JAG2: variants seen among roughly 807,000 people sequenced by gnomAD.
JAG2 encodes jagged canonical Notch ligand 2, also known as protein jagged-2.
In JAG2, 46 loss-of-function variants were observed where a neutral mutation model predicts 141.7. The observed-to-expected ratio is 0.32, with a 90% confidence interval of 0.26 to 0.42. The LOEUF (loss-of-function observed/expected upper bound fraction) is 0.42, where lower values mean the gene tolerates loss of function less well. Ranked by LOEUF, JAG2 falls within the 10% of genes least tolerant of loss-of-function variation. The pLI, the probability that JAG2 is intolerant of heterozygous loss-of-function variation, is 1.00. For missense variants in JAG2, 1,500 were observed against 1,817.5 expected, an observed-to-expected ratio of 0.83 and a Z score of 3.18; for synonymous variants, 862 against 763.5, an observed-to-expected ratio of 1.13 and a Z score of -2.13.
At chr14:105,155,049 G>A (rs1888539883) in intron 5 of JAG2, among the ~76,000 whole-genome samples, 1 of 112,422 alleles carries the variant, frequency 8.9e-6, no homozygotes, top group Admixed American at 1.1e-4. Context: ...ACAGCCTCCC[G>A]TCTGGTGCTT....
At chr14:105,165,727 C>T (rs747421458) in intron 2 of JAG2, among the ~76,000 whole-genome samples, 7 of 152,210 alleles carry the variant, frequency 4.6e-5, no homozygotes, top group African/African-American at 1.7e-4. Context: ...CTCCCCCACT[C>T]CTCTTCCACA....
intron 25 of JAG2, 125 bp downstream of exon 25, chr14:105,143,357 G>T: frequency 7.6e-7 from 1 of 1,317,232 alleles, no homozygotes; most frequent in Non-Finnish European, 1.1e-6. Flanking sequence ...GGCGGCTGGG[G>T]CAGCAGGTGC....
intron 23 of JAG2, 143 bp downstream of exon 23, chr14:105,145,588 C>T: frequency 9.0e-7 from 1 of 1,116,242 alleles, no homozygotes; most frequent in East Asian, 2.6e-5. Context: ...TCATCTGACC[C>T]CACAGGGCCA....
rs75362776 is a variant in JAG2 at position 105,148,360 on chromosome 14, G to A, written c.2100C>T (p.Cys700=). ...AGGTCTTGCCCTTCCAGCCGTCGTC[G>A]CACGCACAGTAGAAGTCATTGACCA... is the stretch of plus-strand genomic sequence containing the variant. ...YDLVNDFYCA[C]DDGWKGKTCH... Residue 700 remains cysteine, a synonymous_variant, in exon 16 of 26, where the codon TGC becomes TGT. Transcript: ENST00000331782. 4,558 of 1,611,662 alleles carry A rather than the reference G, an allele frequency of 2.8e-3. 122 individuals are homozygous for A. The African/African-American group carries it at 0.053, about 19-fold the overall frequency.
At chr14:105,161,968 A>T (rs932726447) in intron 2 of JAG2, among the ~76,000 whole-genome samples, 1 of 152,060 alleles carries the variant, frequency 6.6e-6, no homozygotes, top group African/African-American at 2.4e-5. Flanking sequence ...CCCCTAGAAC[A>T]CAGGAGGGAC....
intron 12 of JAG2, among the ~76,000 whole-genome samples, chr14:105,149,594 T>C (rs1246017115): frequency 6.6e-6 from 1 of 151,718 alleles, no homozygotes; most frequent in Non-Finnish European, 1.5e-5. Flanking sequence ...CCCCTGCTGC[T>C]GGCAGGAAGG....
At position 105,155,413 on chromosome 14, in the gene JAG2, G is replaced by A. The variant is rs1888549533; in HGVS notation, c.788+149C>T. 2.2e-5 allele frequency: 19 copies of A among 857,690 alleles called. No homozygotes were observed. The South Asian group carries it at 2.3e-4, about 10-fold the overall frequency. 53.1% of individuals were successfully genotyped at this position (857,690 alleles called of 1,614,324 possible). A position where few individuals can be genotyped will look rare whatever the true frequency, so the allele number is the denominator to read the frequency against. The stretch of plus-strand genomic sequence containing the variant: ...TCAGACACGCACCTACTGCACTAAG[G>A]AGCCTCCCGAGCTCAGGGCCCGGCT... On this transcript the variant is annotated intron_variant, in intron 5 of 25. Coordinates refer to ENST00000331782, the MANE Select transcript of JAG2 (RefSeq NM_002226.5).
chr14:105,168,090 G>C lies in JAG2; in HGVS notation c.84C>G (p.Gly28=). Residue 28 remains glycine (G), a synonymous_variant, in exon 2 of 26, where the codon GGC becomes GGG. Transcript: ENST00000331782. Reference sequence around the variant, plus strand: ...GCGCGCTCAGCTGCAGCTCGAAATAGCCCATGGGCCGCGCCGCCTAAAAAT... The same window carrying C: ...GCGCGCTCAGCTGCAGCTCGAAATACCCCATGGGCCGCGCCGCCTAAAAAT... ...ALWVQAARPM[G]YFELQLSALR... 6.4e-7 allele frequency: 1 copy of C among 1,563,130 alleles called. No homozygotes were observed. Among genetic ancestry groups the C allele is most frequent in the Non-Finnish European group, 8.6e-7 (1 of 1,163,846 alleles).
chr14:105,168,128 G>A, intron 1 of JAG2, 21 bp from the exon 2 acceptor site: 1 of 1,497,856 alleles, frequency 6.7e-7, no homozygotes, highest in Non-Finnish European at 8.8e-7. Context: ...GGCAGCGGGA[G>A]AGCGGAGGGA....
rs1056861065 is a variant in JAG2 at position 105,154,881 on chromosome 14, A to G, written c.788+681T>C. Reference sequence around the variant, plus strand: ...GCAGCTTGGGGTTCTCCCTGACTCCACACCCTTCCTGCTTGATCAAATCCA... The same window carrying G: ...GCAGCTTGGGGTTCTCCCTGACTCCGCACCCTTCCTGCTTGATCAAATCCA... On this transcript the variant is annotated intron_variant, in intron 5 of 25. Coordinates refer to ENST00000331782, the MANE Select transcript of JAG2 (RefSeq NM_002226.5). The surrounding 1 kb of genome is among the most constrained non-coding windows in gnomAD (Gnocchi z 4.4). 5.3e-5 allele frequency among the ~76,000 whole-genome samples: 8 copies of G among 151,190 alleles called. No individual in the cohort carries two copies. Among genetic ancestry groups the G allele is most frequent in the African/African-American group, 2.0e-4 (8 of 41,016 alleles).
intron 8 of JAG2, 112 bp from the exon 9 acceptor site, chr14:105,151,508 GC>G: frequency 7.5e-7 from 1 of 1,336,760 alleles, no homozygotes; most frequent in Non-Finnish European, 1.1e-6. Flanking sequence ...TCCTCGCCAA[GC>G]CAGCCGCAGC....
In JAG2 at chr14:105,148,457, G is replaced by A. The variant is rs369097419; in HGVS notation, c.2021-18C>T. The A allele has an allele frequency of 3.0e-5, 47 of 1,591,936 alleles. No individual in the cohort carries two copies. The highest frequency in any genetic ancestry group is 8.8e-5 in the South Asian group (8 of 90,514). ...GTTGGGATCTGGGGGCGAGGACGCC[G>A]GTCAGCGGGCGGGGGGTCACCGGCG... On this transcript the variant is annotated intron_variant, in intron 15 of 25. Coordinates refer to ENST00000331782, the MANE Select transcript of JAG2 (RefSeq NM_002226.5).
chr14:105,166,340 G>A (rs587753781), intron 2 of JAG2, among the ~76,000 whole-genome samples: 1 of 152,382 alleles, frequency 6.6e-6, no homozygotes, highest in African/African-American at 2.4e-5. Flanking sequence ...TAGCGATGTG[G>A]GGCCACGCTG....
chr14:105,168,134 A>C (rs756739455), intron 1 of JAG2, 27 bp from the exon 2 acceptor site: 42 of 1,482,948 alleles, frequency 2.8e-5, no homozygotes, highest in Non-Finnish European at 3.3e-5. Flanking sequence ...GGGAGAGCGG[A>C]GGGAGGCGCG....
At chr14:105,143,844 C>T (rs183936001) in intron 24 of JAG2, among the ~76,000 whole-genome samples, 13 of 149,902 alleles carry the variant, frequency 8.7e-5, no homozygotes, top group African/African-American at 2.5e-4. Context: ...TGTCCCCATC[C>T]GGGCACACAG....
rs753945130 is a variant in JAG2, at chr14:105,143,044, C to T, written c.3368G>A (p.Ser1123Asn). 1.9e-6 allele frequency: 3 copies of T among 1,604,060 alleles called. No individual in the cohort carries two copies. The highest frequency in any genetic ancestry group is 1.7e-5 in the Admixed American group (1 of 59,990). Residue 1123 changes from serine to asparagine, a missense_variant, in exon 26 of 26, where the codon AGC (serine) becomes AAC (asparagine). Transcript: ENST00000331782. Reference sequence around the variant, plus strand: ...GAGCGGGGCCCACTGGTTGTTGGCGCTCTCCTCCCGCGGCAGCCGGCTCCT... The same window carrying T: ...GAGCGGGGCCCACTGGTTGTTGGCGTTCTCCTCCCGCGGCAGCCGGCTCCT... ...RERSRLPREE[S>N]ANNQWAPLNP...
intron 15 of JAG2, 41 bp from the exon 16 acceptor site, chr14:105,148,480 G>T: frequency 1.3e-6 from 2 of 1,494,660 alleles, no homozygotes; most frequent in East Asian, 4.5e-5. Flanking sequence ...GGGGTCACCG[G>T]CGCTCAGGGA....
intron 2 of JAG2, among the ~76,000 whole-genome samples, chr14:105,159,592 C>T (rs1420067014): frequency 7.0e-6 from 1 of 142,312 alleles, no homozygotes; most frequent in Non-Finnish European, 1.5e-5. Context: ...TTACACCCCC[C>T]AGAGCTCCAT....
intron 2 of JAG2, among the ~76,000 whole-genome samples, chr14:105,158,103 C>T (rs1182369399): frequency 1.3e-5 from 2 of 152,180 alleles, no homozygotes; most frequent in Non-Finnish European, 1.5e-5. Context: ...GGGCAAAGGG[C>T]AGCCTGGCTG....
Sources: gnomAD v4.1 joint callset for allele counts (sites outside exome capture counted in the v4.1 genomes callset) on GRCh38, gnomAD v4.1.1 for gene constraint, Gnocchi (gnomAD v3.1) non-coding constraint, MANE v1.5 for transcripts, NCBI Gene and HGNC (gene_info 2026-07-23, HGNC 2026-07-21) for gene names.